SYNPO2: variants seen among roughly 807,000 people sequenced by gnomAD.
The protein encoded by SYNPO2 is synaptopodin-2.
A neutral mutation model predicts 85.0 loss-of-function variants in SYNPO2; 56 were observed. The observed-to-expected ratio is 0.66, with a 90% CI of 0.53 to 0.82. SYNPO2 has a LOEUF of 0.82. Ranked by LOEUF, SYNPO2 falls within the 40% of genes least tolerant of loss-of-function variation. SYNPO2 has a pLI of 0.00. For synonymous variants in SYNPO2, 602 were observed against 591.1 expected, an observed-to-expected ratio of 1.02 and a Z score of -0.27; for missense variants, 1,575 against 1,534.2, an observed-to-expected ratio of 1.03 and a Z score of -0.44.
At position 119,030,588 on chromosome 4, in the gene SYNPO2, C is replaced by A. The variant is rs748577784; in HGVS notation, c.1813C>A (p.Pro605Thr). The change falls in exon 4 of 5, where the codon CCA (proline) becomes ACA (threonine). Residue 605 changes from proline (P) to threonine (T), a missense_variant. Transcript: ENST00000307142. ...GAATCAGCCAGCTACCCCCTTCTCG[C>A]CAACCCGAAACATGACGAGTCCCAT... ...SVNQPATPFS[P>T]TRNMTSPIAD... 6.2e-7 allele frequency: 1 copy of A among 1,614,032 alleles called. No homozygotes were observed. Among genetic ancestry groups the A allele is most frequent in the East Asian group, 2.2e-5 (1 of 44,880 alleles).
At chr4:118,953,580 A>G (rs1262491129) in intron 1 of SYNPO2, among the ~76,000 whole-genome samples, 2 of 149,686 alleles carry the variant, frequency 1.3e-5, no homozygotes, top group African/African-American at 4.9e-5. Context: ...TGGAGGACTC[A>G]ATCTTCCTTG....
At chr4:118,995,931 G>A (rs929506515) in intron 1 of SYNPO2, among the ~76,000 whole-genome samples, 4 of 149,248 alleles carry the variant, frequency 2.7e-5, no homozygotes, top group Non-Finnish European at 5.9e-5. Flanking sequence ...GCTTTTTTCT[G>A]TCTTGCCTCT....
intron 4 of SYNPO2, chr4:119,036,859 A>G (rs573657035): frequency 1.8e-6 from 2 of 1,121,960 alleles, no homozygotes; most frequent in Non-Finnish European, 2.2e-6. Context: ...TTTAAATATC[A>G]AGTCCTGTCA....
At chr4:118,934,477 T>A (rs528209676) in intron 1 of SYNPO2, among the ~76,000 whole-genome samples, 1 of 152,242 alleles carries the variant, frequency 6.6e-6, no homozygotes, top group South Asian at 2.1e-4. Flanking sequence ...TCTCAAGACA[T>A]CAGAACTGGA....
intron 1 of SYNPO2, among the ~76,000 whole-genome samples, chr4:118,873,692 A>G (rs1219991555): frequency 6.6e-6 from 1 of 152,124 alleles, no homozygotes; most frequent in Non-Finnish European, 1.5e-5. Flanking sequence ...GAAGCTTTTT[A>G]GTTGAATTAA....
At chr4:118,860,181 C>A (rs1406680107) in intron 1 of SYNPO2, among the ~76,000 whole-genome samples, 1 of 152,200 alleles carries the variant, frequency 6.6e-6, no homozygotes, top group African/African-American at 2.4e-5. Context: ...AACACCTTTT[C>A]ACGCCATTTG....
At chr4:118,962,486 A>G (rs1360969149) in intron 1 of SYNPO2, among the ~76,000 whole-genome samples, 1 of 152,232 alleles carries the variant, frequency 6.6e-6, no homozygotes, top group African/African-American at 2.4e-5. Flanking sequence ...TAAAGTATTC[A>G]GTTCTTACTT....
At chr4:118,907,730 T>A (rs1732984812) in intron 1 of SYNPO2, among the ~76,000 whole-genome samples, 1 of 152,198 alleles carries the variant, frequency 6.6e-6, no homozygotes, top group African/African-American at 2.4e-5. Flanking sequence ...ATTGTCATTA[T>A]AAAAGTAATT....
chr4:118,872,154 T>C (rs906538325), intron 1 of SYNPO2, among the ~76,000 whole-genome samples: 7 of 152,338 alleles, frequency 4.6e-5, no homozygotes, highest in African/African-American at 1.7e-4. Flanking sequence ...GGGATACAAG[T>C]GTAATTTTAT....
intron 1 of SYNPO2, among the ~76,000 whole-genome samples, chr4:118,954,097 A>G (rs866031113): frequency 6.6e-6 from 1 of 152,174 alleles, no homozygotes; most frequent in African/African-American, 2.4e-5. Flanking sequence ...GCAATTGCCA[A>G]TGTTCTTCAC....
rs560983189 is a variant in SYNPO2, at chr4:118,881,762, T to A, written c.12+30822T>A. 3.9e-5 allele frequency among the ~76,000 whole-genome samples: 6 copies of A among 152,254 alleles called. No homozygotes were observed. The South Asian group carries it at 1.2e-3, about 32-fold the overall frequency. On this transcript the variant is annotated intron_variant, in intron 1 of 4. Coordinates refer to the SYNPO2 transcript ENST00000610556. ...TTGTTTTGGGTAGGGCCTGAGGGCATCTTCTTTCACACTGCTCGTTCTCTC... is the reference window on the plus strand; with the variant it reads ...TTGTTTTGGGTAGGGCCTGAGGGCAACTTCTTTCACACTGCTCGTTCTCTC...
intron 1 of SYNPO2, among the ~76,000 whole-genome samples, chr4:118,975,055 C>T (rs538659159): frequency 1.4e-4 from 22 of 152,280 alleles, no homozygotes; most frequent in African/African-American, 5.3e-4. Flanking sequence ...TATGGTTCTA[C>T]CCCAGTAATC....
intron 1 of SYNPO2, among the ~76,000 whole-genome samples, chr4:118,877,279 T>C (rs1731943620): frequency 6.6e-6 from 1 of 152,042 alleles, no homozygotes; most frequent in African/African-American, 2.4e-5. Context: ...ACCTAGGAAA[T>C]ACCTTTCTGG....
At chr4:118,931,719 C>T (rs80177787) in intron 1 of SYNPO2, among the ~76,000 whole-genome samples, 2,343 of 152,252 alleles carry the variant, frequency 0.015, 29 homozygotes, top group Non-Finnish European at 0.021. Context: ...CCATTACTAC[C>T]GACCTGTATA....
chr4:118,948,259 C>G (rs1734571729), intron 1 of SYNPO2, among the ~76,000 whole-genome samples: 1 of 152,146 alleles, frequency 6.6e-6, no homozygotes, highest in East Asian at 1.9e-4. Flanking sequence ...ACCAATTAAC[C>G]AAGTACAGGG....
At chr4:119,048,429 GA>G (rs1346110834) in intron 4 of SYNPO2, among the ~76,000 whole-genome samples, 2 of 152,156 alleles carry the variant, frequency 1.3e-5, no homozygotes, top group African/African-American at 4.8e-5. Flanking sequence ...AAGCCTTAAG[GA>G]AACAAAAACC....
At chr4:118,949,508 CA>C (rs1264170301) in intron 1 of SYNPO2, among the ~76,000 whole-genome samples, 10 of 151,576 alleles carry the variant, frequency 6.6e-5, no homozygotes, top group African/African-American at 2.4e-4. Flanking sequence ...TTGGGAAGCC[CA>C]GATGGGCAGA....
chr4:118,887,402 A>T (rs1357576683), upstream of SYNPO2, among the ~76,000 whole-genome samples: 1 of 152,194 alleles, frequency 6.6e-6, no homozygotes, highest in Non-Finnish European at 1.5e-5. Flanking sequence ...GCAATAGATG[A>T]TGCTGTATGA....
At chr4:118,965,846 G>T (rs1441854968) in intron 1 of SYNPO2, among the ~76,000 whole-genome samples, 1 of 152,030 alleles carries the variant, frequency 6.6e-6, no homozygotes, top group East Asian at 1.9e-4. Flanking sequence ...ACTTTGGGAG[G>T]CTGAGACGGG....
Sources: allele counts gnomAD v4.1 joint callset (sites outside exome capture counted in the v4.1 genomes callset), GRCh38; gene constraint gnomAD v4.1.1; transcripts MANE v1.5; gene names NCBI Gene and HGNC (gene_info 2026-07-23, HGNC 2026-07-21).